GRIP1: variants seen among roughly 807,000 people sequenced by gnomAD.
GRIP1 encodes the protein glutamate receptor-interacting protein 1.
GRIP1 carries 45 observed loss-of-function variants against 129.9 expected under a neutral mutation model. The ratio of observed to expected loss-of-function variants is 0.35; its 90% confidence interval spans 0.27 to 0.44. The LOEUF (loss-of-function observed/expected upper bound fraction) is 0.44. GRIP1 is among the 20% of genes least tolerant of loss of function. The probability of loss-of-function intolerance (pLI) is 1.00; values close to 1 mark genes in which losing one functional copy is unlikely to be tolerated. For synonymous variants in GRIP1, 530 were observed against 520.8 expected (o/e 1.02, Z -0.24); for missense variants, 1,196 against 1,396.8 (o/e 0.86, Z 2.29).
intron 1 of GRIP1, among the ~76,000 whole-genome samples, chr12:66,645,318 C>T (rs567990260): frequency 6.6e-6 from 1 of 152,300 alleles, no homozygotes; most frequent in South Asian, 2.1e-4. Context: ...GGAAAACAGA[C>T]CTTAGGTCGC....
intron 1 of GRIP1, among the ~76,000 whole-genome samples, chr12:66,969,506 C>T (rs2042042179): frequency 1.3e-5 from 2 of 152,108 alleles, no homozygotes; most frequent in South Asian, 4.2e-4. Context: ...GTCAAGTGAT[C>T]CTCCCAATCC....
chr12:66,567,066 A>C (rs1316569148), intron 2 of GRIP1, among the ~76,000 whole-genome samples: 6 of 152,064 alleles, frequency 3.9e-5, no homozygotes, highest in East Asian at 3.9e-4. Context: ...TGATCTTTTC[A>C]AAAAACCAGC....
intron 1 of GRIP1, among the ~76,000 whole-genome samples, chr12:66,924,883 T>C (rs1032599625): frequency 2.0e-5 from 3 of 152,040 alleles, no homozygotes; most frequent in Non-Finnish European, 4.4e-5. Flanking sequence ...GGCAGGAGAA[T>C]GGTGTGAACC....
At chr12:66,752,853 GT>G (rs1434142576) in intron 1 of GRIP1, among the ~76,000 whole-genome samples, 1 of 152,102 alleles carries the variant, frequency 6.6e-6, no homozygotes, top group Non-Finnish European at 1.5e-5. Context: ...TAAGGCTTGA[GT>G]TTTTAAAAAT....
chr12:66,406,470 C>G (rs1231758880), intron 15 of GRIP1, 42 bp from the exon 16 acceptor site: 1 of 1,591,658 alleles, frequency 6.3e-7, no homozygotes, highest in South Asian at 1.1e-5. Flanking sequence ...ATGATGAGCA[C>G]TTAACTAGGC....
At chr12:66,792,499 G>A (rs1013906189) in intron 1 of GRIP1, among the ~76,000 whole-genome samples, 1 of 152,188 alleles carries the variant, frequency 6.6e-6, no homozygotes, top group South Asian at 2.1e-4. Context: ...GAGTTCAGGA[G>A]TTCAAGAACA....
At chr12:67,038,252 G>A (rs1200982504) in intron 1 of GRIP1, among the ~76,000 whole-genome samples, 1 of 152,212 alleles carries the variant, frequency 6.6e-6, no homozygotes, top group South Asian at 2.1e-4. Context: ...CAATAAGGAC[G>A]TGGACAGGAT....
upstream of GRIP1, chr12:66,679,286 G>T (rs531869326): frequency 2.5e-6 from 1 of 406,710 alleles, no homozygotes; most frequent in Non-Finnish European, 4.2e-6. Flanking sequence ...AAAAGGCGAT[G>T]TATCCAGTCA....
In GRIP1 at chr12:66,394,136, G is replaced by A. The variant is rs143464147; in HGVS notation, c.2129+72C>T. The A allele has an allele frequency of 2.4e-4, 325 of 1,370,924 alleles. 1 individual carries two copies. In the African/African-American group the frequency reaches 4.3e-3, roughly 18 times the overall value. The allele number at this position is 1,370,924 out of a possible 1,614,324, so 84.9% of individuals were successfully genotyped here. On this transcript the variant is annotated intron_variant, in intron 17 of 24. Coordinates refer to ENST00000359742, the MANE Select transcript of GRIP1 (RefSeq NM_001366722.1). ...CAGATAACCACAGAGAGAGGAGCAT[G>A]TTTTTATGTGGTTGTGAGGAAGGAA...
chr12:66,379,516 GA>G, intron 19 of GRIP1, 80 bp from the exon 20 acceptor site: 1 of 1,383,684 alleles, frequency 7.2e-7, no homozygotes, highest in Non-Finnish European at 1.0e-6. Flanking sequence ...ACCAGTAGAG[GA>G]GTCAAATTAT....
rs180947794 is a variant in GRIP1, at chr12:66,911,638, T to C, written c.58+157412A>G. Among the ~76,000 whole-genome samples, 8 of 152,228 alleles carry C rather than the reference T, an allele frequency of 5.3e-5. No homozygotes were observed. The East Asian group carries it at 1.3e-3, about 26-fold the overall frequency. ...TGGTGCTCTCCTAGAATCAAGAAAA[T>C]AGTATGTAGATGAAATTGGATATAA... On this transcript the variant is annotated intron_variant, in intron 1 of 1. Transcript: ENST00000643019.
At chr12:66,859,975 C>T (rs571835898) in intron 1 of GRIP1, among the ~76,000 whole-genome samples, 1 of 152,164 alleles carries the variant, frequency 6.6e-6, no homozygotes, top group East Asian at 1.9e-4. Context: ...TATTTCCAGG[C>T]ATCCTGATGT....
At chr12:66,608,516 A>G (rs1046608722) in intron 1 of GRIP1, among the ~76,000 whole-genome samples, 1 of 152,128 alleles carries the variant, frequency 6.6e-6, no homozygotes, top group Admixed American at 6.6e-5. Context: ...TATTTTTAGT[A>G]GAGATGGGGT....
intron 13 of GRIP1, among the ~76,000 whole-genome samples, chr12:66,435,337 G>C (rs2058271093): frequency 6.6e-6 from 1 of 151,604 alleles, no homozygotes; most frequent in Non-Finnish European, 1.5e-5. Context: ...CAAGTAGCTA[G>C]AACTACAAGC....
chr12:66,690,562 T>C (rs538506022), intron 1 of GRIP1, among the ~76,000 whole-genome samples: 223 of 151,864 alleles, frequency 1.5e-3, no homozygotes, highest in Admixed American at 3.3e-3. Context: ...CTGGATTGTT[T>C]AGTACTATTT....
At chr12:66,526,736 A>G (rs918223138) in intron 5 of GRIP1, among the ~76,000 whole-genome samples, 2 of 152,042 alleles carry the variant, frequency 1.3e-5, no homozygotes, top group African/African-American at 4.8e-5. Flanking sequence ...ATCAGAGTGA[A>G]CAGGCAACCT....
At chr12:66,879,383 C>T (rs189666778) in intron 1 of GRIP1, among the ~76,000 whole-genome samples, 4 of 152,142 alleles carry the variant, frequency 2.6e-5, no homozygotes. Context: ...CACACAACAA[C>T]CCTGTGGAAG....
chr12:66,701,858 C>T (rs1382939337), intron 1 of GRIP1, among the ~76,000 whole-genome samples: 2 of 152,206 alleles, frequency 1.3e-5, no homozygotes, highest in Non-Finnish European at 2.9e-5. Flanking sequence ...TTCAAACAGC[C>T]TTTACAATGA....
intron 1 of GRIP1, among the ~76,000 whole-genome samples, chr12:67,046,072 C>T (rs1398685778): frequency 6.6e-6 from 1 of 152,168 alleles, no homozygotes; most frequent in Admixed American, 6.5e-5. Context: ...AGAAGAGCAT[C>T]TCACAGAGAA....
Sources: gnomAD v4.1 joint callset for allele counts (sites outside exome capture counted in the v4.1 genomes callset) on GRCh38, gnomAD v4.1.1 for gene constraint, MANE v1.5 for transcripts, NCBI Gene and HGNC (gene_info 2026-07-23, HGNC 2026-07-21) for gene names.